CRACDL: variants seen among roughly 807,000 people sequenced by gnomAD.
CRACDL encodes the protein CRACD-like protein.
In CRACDL, 26 loss-of-function variants were observed where a neutral mutation model predicts 70.6. The observed-to-expected ratio is 0.37, with a 90% CI of 0.27 to 0.51. The LOEUF (loss-of-function observed/expected upper bound fraction) is 0.51, where lower values mean the gene tolerates loss of function less well. Among genes scored for constraint, CRACDL ranks in the 20% least tolerant of loss-of-function variants. The pLI, the probability that CRACDL is intolerant of heterozygous loss-of-function variation, is 0.94. For synonymous variants in CRACDL, 618 were observed against 615.2 expected, an observed-to-expected ratio of 1.00 and a Z score of -0.07; for missense variants, 1,283 against 1,376.9, an observed-to-expected ratio of 0.93 and a Z score of 1.08.
chr2:98,922,687 C>T (rs1293211068), intron 1 of CRACDL, among the ~76,000 whole-genome samples: 2 of 152,094 alleles, frequency 1.3e-5, no homozygotes, highest in African/African-American at 4.8e-5. Context: ...CACAGGGGAG[C>T]CTAGGCCAAG....
At chr2:98,828,560 C>T (rs1397745115) in intron 5 of CRACDL, among the ~76,000 whole-genome samples, 1 of 152,166 alleles carries the variant, frequency 6.6e-6, no homozygotes, top group African/African-American at 2.4e-5. Context: ...CCTTTGCTAA[C>T]CCGGACAGGG....
intron 1 of CRACDL, among the ~76,000 whole-genome samples, chr2:98,853,020 A>C (rs1481514231): frequency 1.0e-5 from 1 of 99,370 alleles, no homozygotes; most frequent in Non-Finnish European, 2.0e-5. Flanking sequence ...GGGGAGGGGA[A>C]GGGAAGGGAA....
intron 7 of CRACDL, among the ~76,000 whole-genome samples, chr2:98,798,677 G>T (rs1321074901): frequency 6.6e-6 from 1 of 151,296 alleles, no homozygotes; most frequent in African/African-American, 2.4e-5. Flanking sequence ...TAAATAAGTG[G>T]CTTTTCTTTT....
At chr2:98,929,881 A>G (rs1471640144) in intron 1 of CRACDL, among the ~76,000 whole-genome samples, 1 of 152,172 alleles carries the variant, frequency 6.6e-6, no homozygotes, top group African/African-American at 2.4e-5. Flanking sequence ...GACACCTAGT[A>G]TTCATGAAGC....
chr2:98,854,395 C>CCTAT (rs138250129), intron 1 of CRACDL, among the ~76,000 whole-genome samples: 11,080 of 150,514 alleles, frequency 0.074, 590 homozygotes, highest in Admixed American at 0.17. Flanking sequence ...ATCATCAGAA[C>CCTAT]CTATCTACTT....
At chr2:98,917,569 G>T (rs1708697273) in intron 1 of CRACDL, among the ~76,000 whole-genome samples, 1 of 152,192 alleles carries the variant, frequency 6.6e-6, no homozygotes, top group Non-Finnish European at 1.5e-5. Flanking sequence ...TACTTTAATA[G>T]GCACCTACTT....
At chr2:98,821,795 T>A (rs1250030447) in intron 7 of CRACDL, 62 bp downstream of exon 7, 6 of 1,569,432 alleles carry the variant, frequency 3.8e-6, no homozygotes, top group Non-Finnish European at 3.4e-6. Context: ...TCCAGCAAGA[T>A]GTGCCCGTGG....
At chr2:98,825,828 G>A (rs1705277548) in intron 6 of CRACDL, among the ~76,000 whole-genome samples, 1 of 152,178 alleles carries the variant, frequency 6.6e-6, no homozygotes, top group African/African-American at 2.4e-5. Flanking sequence ...CTACTCTGCT[G>A]GCATGAGTTT....
intron 1 of CRACDL, among the ~76,000 whole-genome samples, chr2:98,882,764 A>G (rs1217220760): frequency 6.6e-6 from 1 of 152,194 alleles, no homozygotes; most frequent in Non-Finnish European, 1.5e-5. Flanking sequence ...TCCACACGGA[A>G]TGCTTTGTTT....
chr2:98,927,636 T>TAC (rs1166120267), intron 1 of CRACDL, among the ~76,000 whole-genome samples: 5 of 151,690 alleles, frequency 3.3e-5, no homozygotes, highest in African/African-American at 1.2e-4. Flanking sequence ...GCGCAAAAAA[T>TAC]ACAAAAACTC....
At chr2:98,863,361 G>A (rs1707010903) in intron 1 of CRACDL, among the ~76,000 whole-genome samples, 1 of 152,194 alleles carries the variant, frequency 6.6e-6, no homozygotes, top group Non-Finnish European at 1.5e-5. Context: ...AGCTGAGGGA[G>A]TCTGTTACTA....
Position 98,822,616 on chromosome 2 carries a change from C to T in CRACDL, c.1657G>A (p.Glu553Lys). 1 of 1,371,580 alleles carries T rather than the reference C, an allele frequency of 7.3e-7. No homozygotes were observed. Among genetic ancestry groups the T allele is most frequent in the Non-Finnish European group, 9.3e-7 (1 of 1,071,648 alleles). The allele number at this position is 1,371,580 out of a possible 1,614,324, so 85.0% of individuals were successfully genotyped here. A position where few individuals can be genotyped will look rare whatever the true frequency, so the allele number is the denominator to read the frequency against. The change falls in exon 7 of 10, where the codon GAG becomes AAG. Residue 553 changes from glutamate (E) to lysine (K), a missense_variant. Glu to Lys is a moderately conservative substitution (Grantham distance 56). Around this residue, in one of 2 missense-constraint regions of CRACDL, gnomAD observed 921 missense variants for 881.9 expected, o/e 1.04. Transcript: ENST00000397899. This position sits in a 1 kb window ranked among gnomAD's most constrained non-coding sequence, Gnocchi z 4.9. ...ERAEAPPAGA[E>K]RAAPERKAER... ...GCCTTCCGCTCTGGCGCCGCCCTCT[C>T]GGCGCCCGCCGGTGGCGCCTCGGCT...
At chr2:98,894,815 C>G (rs890809012) in intron 1 of CRACDL, among the ~76,000 whole-genome samples, 1 of 152,166 alleles carries the variant, frequency 6.6e-6, no homozygotes, top group Non-Finnish European at 1.5e-5. Context: ...TGATTACATT[C>G]CTGTTGGTGG....
intron 4 of CRACDL, 39 bp downstream of exon 4, chr2:98,832,823 G>A (rs1186318123): frequency 1.2e-6 from 2 of 1,610,698 alleles, no homozygotes. Flanking sequence ...ATGGATATTT[G>A]ACTTGCACAC....
At chr2:98,932,705 T>C (rs1223888287) in intron 1 of CRACDL, among the ~76,000 whole-genome samples, 1 of 152,128 alleles carries the variant, frequency 6.6e-6, no homozygotes, top group Non-Finnish European at 1.5e-5. Flanking sequence ...TCCCAGTCTT[T>C]TTCAGGTAAT....
At position 98,822,405 on chromosome 2, in the gene CRACDL, T is replaced by G; in HGVS notation, c.1868A>C (p.Gln623Pro). ...CTTCCGAGGGCCAGGTTTCGCGTGC[T>G]GGGGCTCGGGGAGACCCTGGAGGTC... ...LDDLQGLPEP[Q>P]HAKPGPRKLA... Residue 623 changes from glutamine (Q) to proline (P), a missense_variant, in exon 7 of 10, where the codon CAG (glutamine) becomes CCG (proline). This residue lies in a region of CRACDL where 921 missense variants were observed against 881.9 expected (regional missense o/e 1.04). Coordinates refer to ENST00000397899, the MANE Select transcript of CRACDL (RefSeq NM_207362.3). The surrounding 1 kb of genome is among the most constrained non-coding windows in gnomAD (Gnocchi z 4.9). 1.3e-6 allele frequency: 2 copies of G among 1,482,158 alleles called. No homozygotes were observed. Among genetic ancestry groups the G allele is most frequent in the Admixed American group, 2.4e-5 (1 of 42,370 alleles). The allele number at this position is 1,482,158 out of a possible 1,614,324, so 91.8% of individuals were successfully genotyped here.
At chr2:98,829,724 G>A (rs1300221563) in intron 5 of CRACDL, among the ~76,000 whole-genome samples, 2 of 152,180 alleles carry the variant, frequency 1.3e-5, no homozygotes, top group East Asian at 3.9e-4. Context: ...TTCATGGGCG[G>A]CCCTGAGTGA....
chr2:98,823,208 C>G lies in CRACDL; in HGVS notation c.1065G>C (p.Pro355=), dbSNP rs1705164394. 7.0e-7 allele frequency: 1 copy of G among 1,428,308 alleles called. No homozygotes were observed. The allele number at this position is 1,428,308 out of a possible 1,614,324, so 88.5% of individuals were successfully genotyped here. ...ESAPTLRVEP[P]SPPEGPPNPG... ...GATTCGGGGGGCCCTCCGGCGGGGACGGGGGCTCCACGCGGAGAGTGGGGG... is the reference window on the plus strand; with the variant it reads ...GATTCGGGGGGCCCTCCGGCGGGGAGGGGGGCTCCACGCGGAGAGTGGGGG... The change falls in exon 7 of 10, where the codon CCG becomes CCC. Residue 355 remains proline (P), a synonymous_variant. Coordinates refer to ENST00000397899, the MANE Select transcript of CRACDL (RefSeq NM_207362.3). This position sits in a 1 kb window ranked among gnomAD's most constrained non-coding sequence, Gnocchi z 4.0.
chr2:98,902,006 G>A (rs1157258030), intron 1 of CRACDL, among the ~76,000 whole-genome samples: 1 of 152,114 alleles, frequency 6.6e-6, no homozygotes, highest in Non-Finnish European at 1.5e-5. Flanking sequence ...GGACGTCATA[G>A]ATGGAAGAGC....
Sources: gnomAD v4.1 joint callset for allele counts (sites outside exome capture counted in the v4.1 genomes callset) on GRCh38, gnomAD v4.1.1 for gene constraint, gnomAD v4.1.1 regional missense constraint, Gnocchi (gnomAD v3.1) non-coding constraint, MANE v1.5 for transcripts, NCBI Gene and HGNC (gene_info 2026-07-23, HGNC 2026-07-21) for gene names.